The following HERC2 variants were observed in gnomAD, a reference collection of about 807,000 sequenced individuals.
HERC2 encodes HECT and RLD domain containing E3 ubiquitin protein ligase 2, also known as E3 ubiquitin-protein ligase HERC2.
Under a neutral mutation model 537.7 loss-of-function variants are expected in HERC2, and 102 were observed. The observed-to-expected ratio is 0.19, with a 90% confidence interval of 0.16 to 0.22. HERC2 has a LOEUF of 0.22. Among genes scored for constraint, HERC2 ranks in the 10% least tolerant of loss-of-function variants. The pLI, the probability that HERC2 is intolerant of heterozygous loss-of-function variation, is 1.00. For missense variants in HERC2, 4,236 were observed against 6,198.2 expected, an observed-to-expected ratio of 0.68 and a Z score of 10.63; for synonymous variants, 2,224 against 2,466.2, an observed-to-expected ratio of 0.90 and a Z score of 2.91.
chr15:28,169,508 G>A lies in HERC2; in HGVS notation c.10205C>T (p.Thr3402Ile). Residue 3402 changes from threonine to isoleucine, a missense_variant, in exon 66 of 93, where the codon ACA becomes ATA. Thr to Ile is a moderately conservative substitution (Grantham distance 89). Around this residue, in one of 27 missense-constraint regions of HERC2, gnomAD observed 356 missense variants for 450.9 expected, o/e 0.79. Coordinates refer to ENST00000261609, the MANE Select transcript of HERC2 (RefSeq NM_004667.6). ...CCTGGCATACATGATTTGCAATGCT[G>A]TAAGAATATGTGATAAGGCCTGCTG... Reference protein sequence around the residue: ...AKQQALSHILTALQIMYARDA... With the variant: ...AKQQALSHILIALQIMYARDA... The A allele has an allele frequency of 6.2e-7, 1 of 1,608,166 alleles. No individual in the cohort carries two copies.
chr15:28,255,963 C>T lies in HERC2; in HGVS notation c.2780G>A (p.Arg927His), dbSNP rs112608670. 2.1e-5 allele frequency: 34 copies of T among 1,606,150 alleles called. No homozygotes were observed. Among genetic ancestry groups the T allele is most frequent in the Non-Finnish European group, 2.3e-5 (27 of 1,179,824 alleles). Reference protein sequence around the residue: ...SGNEVNISPGRRFMIDLLVGS... With the variant: ...SGNEVNISPGHRFMIDLLVGS... ...CACCAGAAGATCAATCATGAATCGA[C>T]GACCTGGACTTATGTTCACTTCATT... Residue 927 changes from arginine (R) to histidine (H), a missense_variant, in exon 19 of 93, where the codon CGT (arginine) becomes CAT (histidine). Physicochemically the swap from Arg to His is conservative, Grantham distance 29. This residue lies in a region of HERC2 where 754 missense variants were observed against 1,085.0 expected (regional missense o/e 0.69). Coordinates refer to ENST00000261609, the MANE Select transcript of HERC2 (RefSeq NM_004667.6).
intron 3 of HERC2, among the ~76,000 whole-genome samples, chr15:28,293,410 G>A (rs111330403): frequency 5.3e-5 from 8 of 150,662 alleles, no homozygotes; most frequent in South Asian, 2.1e-4. Context: ...GGAGAATGGC[G>A]TGAACCCGGG....
chr15:28,188,245 T>C (rs1413644618), intron 55 of HERC2, among the ~76,000 whole-genome samples: 2 of 152,042 alleles, frequency 1.3e-5, no homozygotes. Flanking sequence ...TTATATGACA[T>C]TAAAGAGTAA....
rs1198416548 is a variant in HERC2, at chr15:28,113,768, C to T, written c.13914-90G>A. The T allele has an allele frequency of 1.2e-5, 12 of 1,013,778 alleles. No homozygotes were observed. Among genetic ancestry groups the T allele is most frequent in the East Asian group, 1.0e-4 (4 of 39,148 alleles). The allele number at this position is 1,013,778 out of a possible 1,614,324, so 62.8% of individuals were successfully genotyped here. On this transcript the variant is annotated intron_variant, in intron 90 of 92. Transcript: ENST00000261609. This position sits in a 1 kb window ranked among gnomAD's most constrained non-coding sequence, Gnocchi z 7.0. ...AAGCCTTGGCATGCAGCACTGTGGC[C>T]GCACACGTCCCAGCTGGGAGAACAG...
At chr15:28,244,726 G>C (rs1169827563) in intron 23 of HERC2, among the ~76,000 whole-genome samples, 2 of 152,114 alleles carry the variant, frequency 1.3e-5, no homozygotes, top group Non-Finnish European at 2.9e-5. Context: ...GGGAAGAATG[G>C]TGCTCAAAGT....
chr15:28,176,516 C>G lies in HERC2; in HGVS notation c.9598G>C (p.Glu3200Gln), dbSNP rs1895307876. Residue 3200 changes from glutamate (E) to glutamine (Q), a missense_variant, in exon 63 of 93, where the codon GAG becomes CAG. By Grantham distance (29) the Glu-to-Gln change is conservative. This residue lies in a region of HERC2 where 93 missense variants were observed against 265.1 expected (regional missense o/e 0.35). Transcript: ENST00000261609. This position sits in a 1 kb window ranked among gnomAD's most constrained non-coding sequence, Gnocchi z 5.0. The part of the protein sequence containing the change: ...SEGCNIPQNI[E>Q]RLNGQGVCQI... ...CACACCCCCTGTCCATTTAGTCTCT[C>G]AATGTTCTGGGGAATGTTACAGCCT... 6.2e-7 allele frequency: 1 copy of G among 1,614,066 alleles called. No individual in the cohort carries two copies.
chr15:28,138,407 T>C (rs1890866523), intron 78 of HERC2, among the ~76,000 whole-genome samples: 1 of 152,222 alleles, frequency 6.6e-6, no homozygotes, highest in African/African-American at 2.4e-5. Flanking sequence ...ATGACTATAT[T>C]AGTTGAATTC....
intron 69 of HERC2, among the ~76,000 whole-genome samples, chr15:28,155,448 G>A (rs1332362445): frequency 1.3e-5 from 2 of 152,038 alleles, no homozygotes; most frequent in Admixed American, 6.5e-5. Context: ...ACTTTTTAAC[G>A]ATCGCCATTC....
intron 3 of HERC2, among the ~76,000 whole-genome samples, chr15:28,294,788 C>T (rs2076416486): frequency 6.6e-6 from 1 of 152,002 alleles, no homozygotes; most frequent in Admixed American, 6.6e-5. Context: ...CCCCCACCCC[C>T]AGGGCTGTGA....
chr15:28,231,837 C>A (rs1214435869), intron 30 of HERC2, among the ~76,000 whole-genome samples: 2 of 137,458 alleles, frequency 1.5e-5, no homozygotes, highest in Admixed American at 1.3e-4. Context: ...TACTTAATTT[C>A]CAAAAAAAAA....
rs1194389594 is a variant in HERC2 at position 28,225,623 on chromosome 15, G to A, written c.5464+2595C>T. 2.7e-5 allele frequency among the ~76,000 whole-genome samples: 4 copies of A among 150,648 alleles called. No homozygotes were observed. The East Asian group carries it at 5.9e-4, about 22-fold the overall frequency. On this transcript the variant is annotated intron_variant, in intron 35 of 92. Coordinates refer to ENST00000261609, the MANE Select transcript of HERC2 (RefSeq NM_004667.6). ...TGAGGCAGGAGAATCACTTGAACCC[G>A]GGAGGCAGAGGTTACAGTGAGCCGA... is the stretch of plus-strand genomic sequence containing the variant.
intron 48 of HERC2, among the ~76,000 whole-genome samples, chr15:28,200,658 G>T (rs545019513): frequency 6.6e-6 from 1 of 152,134 alleles, no homozygotes; most frequent in African/African-American, 2.4e-5. Context: ...TTGTATCCAA[G>T]TTCAAAAACT....
rs146600895 is a variant in HERC2, at chr15:28,138,660, T to C, written c.12015+2772A>G. On this transcript the variant is annotated intron_variant, in intron 78 of 92. Coordinates refer to ENST00000261609, the MANE Select transcript of HERC2 (RefSeq NM_004667.6). ...GGTCGCCCAAGAGCTCTGATGAACA[T>C]GTACAAAGAGATTAAAGTTGTTTTC... Among the ~76,000 whole-genome samples, 657 of 152,348 alleles carry C rather than the reference T, an allele frequency of 4.3e-3. 2 individuals carry two copies. Among genetic ancestry groups the C allele is most frequent in the Non-Finnish European group, 7.3e-3 (499 of 68,032 alleles).
chr15:28,142,756 C>T (rs1891352705), intron 75 of HERC2, 71 bp downstream of exon 75: 2 of 1,517,462 alleles, frequency 1.3e-6, no homozygotes, highest in Non-Finnish European at 1.8e-6. Flanking sequence ...ACACACTGCA[C>T]ATGACAACTC....
chr15:28,320,816 A>C (rs1020758059), intron 2 of HERC2, among the ~76,000 whole-genome samples: 5 of 152,034 alleles, frequency 3.3e-5, no homozygotes, highest in Non-Finnish European at 5.9e-5. Context: ...TTAGGATCTA[A>C]GGCCAACATT....
Position 28,274,290 on chromosome 15 carries a change from C to A in HERC2, c.800+1G>T. On this transcript the variant is annotated splice_donor_variant, in intron 7 of 92. Coordinates refer to ENST00000261609, the MANE Select transcript of HERC2 (RefSeq NM_004667.6). LOFTEE classifies it high-confidence loss of function. ...AGAAGGCAAGAAAGGAAAGAACTCA[C>A]CCCGTCACGACGGACCTGAGGAACC... 1 of 1,614,118 alleles carries A rather than the reference C, an allele frequency of 6.2e-7. No homozygotes were observed.
chr15:28,155,288 G>C (rs1249364382), intron 69 of HERC2, among the ~76,000 whole-genome samples: 1 of 152,034 alleles, frequency 6.6e-6, no homozygotes, highest in East Asian at 1.9e-4. Flanking sequence ...CCCAGTAATG[G>C]GATGGCTGGG....
chr15:28,132,609 G>A (rs1890220275), intron 80 of HERC2, 44 bp downstream of exon 80: 2 of 1,367,310 alleles, frequency 1.5e-6, no homozygotes, highest in Non-Finnish European at 1.9e-6. Context: ...CAGCAGCAGT[G>A]AGGAGCATGC....
intron 78 of HERC2, among the ~76,000 whole-genome samples, chr15:28,137,960 AAC>A (rs778228044): frequency 1.3e-5 from 2 of 152,226 alleles, no homozygotes; most frequent in African/African-American, 2.4e-5. Flanking sequence ...GAGAATGCAA[AAC>A]AGTCTTATTG....
Sources: gnomAD v4.1 joint callset for allele counts (sites outside exome capture counted in the v4.1 genomes callset) on GRCh38, gnomAD v4.1.1 for gene constraint, gnomAD v4.1.1 regional missense constraint, Gnocchi (gnomAD v3.1) non-coding constraint, MANE v1.5 for transcripts, NCBI Gene and HGNC (gene_info 2026-07-23, HGNC 2026-07-21) for gene names.